The following SLC25A18 variants were observed in gnomAD, a reference collection of about 807,000 sequenced individuals.
SLC25A18 encodes mitochondrial glutamate carrier 2.
In SLC25A18, 24 loss-of-function variants were observed where a neutral mutation model predicts 31.1. The observed-to-expected ratio is 0.77, with a 90% CI of 0.56 to 1.08. SLC25A18 has a LOEUF of 1.08. Among genes scored for constraint, SLC25A18 ranks in the 50% least tolerant of loss-of-function variants. The pLI is 0.00. For synonymous variants in SLC25A18, 173 were observed against 161.9 expected (o/e 1.07, Z -0.52); for missense variants, 371 against 418.5 (o/e 0.89, Z 0.99).
chr22:17,584,505 C>A (rs1161518136), intron 7 of SLC25A18, among the ~76,000 whole-genome samples: 2 of 145,670 alleles, frequency 1.4e-5, no homozygotes, highest in Non-Finnish European at 3.0e-5. Context: ...TGCCGCCCAG[C>A]GTGGTGGCTC....
At chr22:17,565,166 G>GC (rs1012683927) in intron 1 of SLC25A18, among the ~76,000 whole-genome samples, 73 of 151,762 alleles carry the variant, frequency 4.8e-4, no homozygotes, top group Non-Finnish European at 8.4e-4. Context: ...TGTAAACTCC[G>GC]CCCCCCCGGG....
chr22:17,569,012 CTTT>C (rs954487377), intron 1 of SLC25A18, among the ~76,000 whole-genome samples: 2 of 142,956 alleles, frequency 1.4e-5, no homozygotes, highest in East Asian at 2.0e-4. Flanking sequence ...CTCTTCTTTA[CTTT>C]TTTTTTTTTT....
intron 5 of SLC25A18, 34 bp from the exon 6 acceptor site, chr22:17,582,529 G>A (rs1261573204): frequency 1.3e-6 from 2 of 1,537,174 alleles, no homozygotes; most frequent in South Asian, 2.4e-5. Flanking sequence ...TTTCTGGGAT[G>A]GCCTTGACTC....
chr22:17,564,866 A>AAAAAAAAAAAT (rs1601242953), intron 1 of SLC25A18, among the ~76,000 whole-genome samples: 1 of 151,304 alleles, frequency 6.6e-6, no homozygotes, highest in Non-Finnish European at 1.5e-5. Flanking sequence ...CCAAAAAAAA[A>AAAAAAAAAAAT]AAATCAGGCC....
rs796501629 is a variant in SLC25A18 at position 17,571,758 on chromosome 22, G to GAA, written c.-201+1787_-201+1788dup. Among the ~76,000 whole-genome samples, 10 of 91,602 alleles carry GAA rather than the reference G, an allele frequency of 1.1e-4. No individual in the cohort carries two copies. The East Asian group carries it at 1.3e-3, about 12-fold the overall frequency. The allele number at this position is 91,602 out of a possible 152,430, so 60.1% of individuals were successfully genotyped here. A position where few individuals can be genotyped will look rare whatever the true frequency, so the allele number is the denominator to read the frequency against. On this transcript the variant is annotated intron_variant, in intron 2 of 10. Transcript: ENST00000327451. ...CAATGCAGTGAGACTGTCTCAAAAA[G>GAA]AAAAAAAAAAAAAAAAGTCTGGGCC...
chr22:17,565,828 T>C (rs146657907), intron 1 of SLC25A18, among the ~76,000 whole-genome samples: 4,137 of 152,136 alleles, frequency 0.027, 177 homozygotes, highest in African/African-American at 0.095. Flanking sequence ...GATCGTGCCA[T>C]TGCACTCCAG....
chr22:17,568,062 A>C (rs150720041), intron 1 of SLC25A18, among the ~76,000 whole-genome samples: 29 of 152,074 alleles, frequency 1.9e-4, no homozygotes, highest in Admixed American at 1.4e-3. Flanking sequence ...TTTTTAAAAG[A>C]GGCAAAGGCA....
Position 17,563,561 on chromosome 22 carries a change from T to C in SLC25A18, c.-416T>C, listed in dbSNP as rs929212353. ...CTAGCCAGTTAAAGCTGGACAGAAT[T>C]TTTAAAAGCAATGAAGCCAGTTCCT... is the stretch of plus-strand genomic sequence containing the variant. On this transcript the variant is annotated 5_prime_UTR_variant, in exon 1 of 11. Coordinates refer to ENST00000327451, the MANE Select transcript of SLC25A18 (RefSeq NM_031481.3). 13 of 560,300 alleles carry C rather than the reference T, an allele frequency of 2.3e-5. No individual in the cohort carries two copies. In the Admixed American group the frequency reaches 5.7e-4, roughly 25 times the overall value. The allele number at this position is 560,300 out of a possible 1,614,324, so 34.7% of individuals were successfully genotyped here.
At chr22:17,584,446 G>GAGAGAGAGA (rs1555951484) in intron 7 of SLC25A18, among the ~76,000 whole-genome samples, 1 of 116,824 alleles carries the variant, frequency 8.6e-6, no homozygotes, top group African/African-American at 3.4e-5. Context: ...AAGGAAGGAA[G>GAGAGAGAGA]GAGAGAGAGA....
chr22:17,577,076 G>A (rs148048073), intron 2 of SLC25A18, among the ~76,000 whole-genome samples: 2,415 of 152,218 alleles, frequency 0.016, 80 homozygotes, highest in East Asian at 0.088. Context: ...AGGCTGGAGT[G>A]CAGTGGCACC....
In SLC25A18 at chr22:17,564,893, G is replaced by GC. The variant is rs1257238414; in HGVS notation, c.-264+1184dup. Among the ~76,000 whole-genome samples, 5 of 139,584 alleles carry GC rather than the reference G, an allele frequency of 3.6e-5. No homozygotes were observed. In the East Asian group the frequency reaches 8.3e-4, roughly 23 times the overall value. The allele number at this position is 139,584 out of a possible 152,430, so 91.6% of individuals were successfully genotyped here. A position where few individuals can be genotyped will look rare whatever the true frequency, so the allele number is the denominator to read the frequency against. ...AATCAGGCCCAGGCAACATAATGAG[G>GC]CCCCACCTCTACAAAAAAATAATTG... is the stretch of plus-strand genomic sequence containing the variant. On this transcript the variant is annotated intron_variant, in intron 1 of 10. Coordinates refer to ENST00000327451, the MANE Select transcript of SLC25A18 (RefSeq NM_031481.3).
chr22:17,580,731 C>T (rs1601313670), intron 3 of SLC25A18: 2 of 1,133,904 alleles, frequency 1.8e-6, no homozygotes, highest in East Asian at 5.0e-5. Flanking sequence ...GAGGACGGGC[C>T]GGGGAAGCTT....
intron 2 of SLC25A18, chr22:17,570,283 A>C (rs568388144): frequency 6.6e-6 from 1 of 152,532 alleles, no homozygotes; most frequent in East Asian, 1.9e-4. Flanking sequence ...CTCTGCTAAT[A>C]AGAGGAAGTA....
chr22:17,571,001 G>C (rs1422833117), intron 2 of SLC25A18, among the ~76,000 whole-genome samples: 1 of 152,224 alleles, frequency 6.6e-6, no homozygotes, highest in African/African-American at 2.4e-5. Context: ...TTTGGATGCG[G>C]AAAGAGTGTC....
rs771382591 is a variant in SLC25A18, at chr22:17,587,268, G to A, written c.542G>A (p.Gly181Glu). 5 of 1,613,546 alleles carry A rather than the reference G, an allele frequency of 3.1e-6. No homozygotes were observed. The highest frequency in any genetic ancestry group is 4.2e-6 in the Non-Finnish European group (5 of 1,180,010). ...WELLRTQGLA[G>E]LYRGLGATLL... is the part of the protein sequence containing the mutation. The stretch of plus-strand genomic sequence containing the variant: ...CTGCTCCGCACTCAGGGCCTGGCTG[G>A]GCTCTACAGGGGCCTGGGTGCCACT... Residue 181 changes from glycine (G) to glutamate (E), a missense_variant, in exon 8 of 11, where the codon GGG (glycine) becomes GAG (glutamate). By Grantham distance (98) the Gly-to-Glu change is moderately conservative (BLOSUM62 -2). Coordinates refer to ENST00000327451, the MANE Select transcript of SLC25A18 (RefSeq NM_031481.3).
Position 17,582,666 on chromosome 22 carries a change from G to C in SLC25A18, c.290+13G>C. 6.3e-7 allele frequency: 1 copy of C among 1,591,692 alleles called. No homozygotes were observed. The highest frequency in any genetic ancestry group is 8.6e-7 in the Non-Finnish European group (1 of 1,167,664). ...TCATGGAAGATGGGTATGGCCAGGTGGGGTGGGGTTGGATCCTTCACTGTG... is the reference window on the plus strand; with the variant it reads ...TCATGGAAGATGGGTATGGCCAGGTCGGGTGGGGTTGGATCCTTCACTGTG... On this transcript the variant is annotated intron_variant, in intron 6 of 10. Transcript: ENST00000327451.
At chr22:17,584,798 A>T (rs903602068) in intron 7 of SLC25A18, among the ~76,000 whole-genome samples, 1 of 149,264 alleles carries the variant, frequency 6.7e-6, no homozygotes, top group Non-Finnish European at 1.5e-5. Context: ...AAAAAAAAAA[A>T]AAAAAAAAAA....
intron 2 of SLC25A18, among the ~76,000 whole-genome samples, chr22:17,572,178 C>T (rs2057106781): frequency 6.7e-6 from 1 of 149,648 alleles, no homozygotes; most frequent in African/African-American, 2.5e-5. Flanking sequence ...CAGAGTGAGA[C>T]TCCATCTCAA....
At chr22:17,581,523 G>C in intron 5 of SLC25A18, 110 bp downstream of exon 5, 1 of 1,240,648 alleles carries the variant, frequency 8.1e-7, no homozygotes, top group Non-Finnish European at 1.2e-6. Context: ...GCTGCCAGGG[G>C]GTCCTTCCTG....
Sources: allele counts gnomAD v4.1 joint callset (sites outside exome capture counted in the v4.1 genomes callset), GRCh38; gene constraint gnomAD v4.1.1; transcripts MANE v1.5; gene names NCBI Gene and HGNC (gene_info 2026-07-23, HGNC 2026-07-21).